The following SBF2 variants were observed in gnomAD, a reference collection of about 807,000 sequenced individuals.
SBF2 encodes SET binding factor 2.
SBF2 carries 112 observed loss-of-function variants against 225.2 expected under a neutral mutation model. That is an observed-to-expected ratio of 0.50 (90% CI 0.43 to 0.58). SBF2 has a LOEUF of 0.58. Ranked by LOEUF, SBF2 falls within the 20% of genes least tolerant of loss-of-function variation. The pLI, the probability that SBF2 is intolerant of heterozygous loss-of-function variation, is 0.00. For missense variants in SBF2, 1,996 were observed against 2,206.2 expected, an observed-to-expected ratio of 0.90 and a Z score of 1.91; for synonymous variants, 763 against 773.3, an observed-to-expected ratio of 0.99 and a Z score of 0.22.
At chr11:9,942,264 G>A (rs751585132) in intron 16 of SBF2, among the ~76,000 whole-genome samples, 12 of 152,074 alleles carry the variant, frequency 7.9e-5, no homozygotes, top group South Asian at 2.1e-4. Flanking sequence ...ACAGGGTTTC[G>A]CCATGTTGTC....
At chr11:10,013,885 C>T (rs1446337271) in intron 6 of SBF2, among the ~76,000 whole-genome samples, 2 of 152,028 alleles carry the variant, frequency 1.3e-5, no homozygotes, top group Non-Finnish European at 2.9e-5. Flanking sequence ...TACTTACTTG[C>T]TCATTCATTC....
At position 9,992,485 on chromosome 11, in the gene SBF2, C is replaced by T. The variant is rs1183650459; in HGVS notation, c.1226G>A (p.Ser409Asn). The T allele has an allele frequency of 2.5e-6, 4 of 1,613,402 alleles. No individual in the cohort carries two copies. The Admixed American group carries it at 6.7e-5, about 27-fold the overall frequency. ...VENDFLTKVL[S>N]GMAFAGFVSE... ...AACAAAACCTGCAAATGCCATTCCA[C>T]TGAGTACTTTAGTGAGGAAATCATT... The change falls in exon 12 of 40, where the codon AGT becomes AAT. Residue 409 changes from serine (S) to asparagine (N), a missense_variant. By Grantham distance (46) the Ser-to-Asn change is conservative. Transcript: ENST00000256190.
At chr11:10,030,946 A>G (rs1224198390) in intron 4 of SBF2, 102 bp downstream of exon 4, 1 of 1,027,284 alleles carries the variant, frequency 9.7e-7, no homozygotes, top group East Asian at 2.4e-5. Flanking sequence ...GAATTCCTAA[A>G]TCAATCTAAC....
intron 1 of SBF2, among the ~76,000 whole-genome samples, chr11:10,226,411 T>C (rs1958552325): frequency 6.6e-6 from 1 of 152,136 alleles, no homozygotes; most frequent in Non-Finnish European, 1.5e-5. Context: ...ACATGTGCCA[T>C]GCTGGTGTGC....
chr11:9,875,136 A>G (rs982060980), intron 17 of SBF2, among the ~76,000 whole-genome samples: 3 of 152,250 alleles, frequency 2.0e-5, no homozygotes, highest in Non-Finnish European at 4.4e-5. Flanking sequence ...CTATCAAATC[A>G]TATAGACTGG....
intron 16 of SBF2, among the ~76,000 whole-genome samples, chr11:9,935,613 A>G (rs1864840939): frequency 6.6e-6 from 1 of 152,234 alleles, no homozygotes; most frequent in Admixed American, 6.5e-5. Flanking sequence ...ACAGATATAT[A>G]GACCAATGGA....
intron 32 of SBF2, among the ~76,000 whole-genome samples, chr11:9,801,205 GTATT>G (rs1286914609): frequency 2.0e-5 from 3 of 152,232 alleles, no homozygotes; most frequent in Middle Eastern, 3.4e-3. Context: ...AAATAATTTT[GTATT>G]TATTTTGTTG....
chr11:9,956,243 TTGA>T (rs919469510), intron 16 of SBF2, among the ~76,000 whole-genome samples: 5 of 152,198 alleles, frequency 3.3e-5, no homozygotes, highest in Admixed American at 2.6e-4. Flanking sequence ...TACATGTCTC[TTGA>T]TGTATGTGGG....
At chr11:10,004,867 T>C (rs1048699518) in intron 6 of SBF2, among the ~76,000 whole-genome samples, 2 of 152,210 alleles carry the variant, frequency 1.3e-5, no homozygotes, top group South Asian at 2.1e-4. Context: ...ACCTATGACC[T>C]GGAAGCCCCC....
intron 17 of SBF2, among the ~76,000 whole-genome samples, chr11:9,878,295 C>A (rs1261739379): frequency 1.3e-5 from 2 of 152,014 alleles, no homozygotes; most frequent in African/African-American, 4.8e-5. Context: ...GGATATTAGT[C>A]CTTTGTCAGA....
intron 2 of SBF2, among the ~76,000 whole-genome samples, chr11:10,157,812 G>A (rs1450635172): frequency 6.6e-6 from 1 of 152,152 alleles, no homozygotes; most frequent in African/African-American, 2.4e-5. Flanking sequence ...ATGCCAAAAA[G>A]GTTGGGGACC....
chr11:9,829,466 C>G lies in SBF2; in HGVS notation c.3683G>C (p.Ser1228Thr), dbSNP rs770215844. ...APTSSLESSS[S>T]IEQEKYLQAL... is the part of the protein sequence containing the mutation. ...TTGCAAGTATTTCTCTTGTTCTATG[C>G]TACTGGAAGATTCTAAAGAGGAGGT... Residue 1228 changes from serine to threonine, a missense_variant, in exon 28 of 40, where the codon AGC (serine) becomes ACC (threonine). Ser to Thr is a moderately conservative substitution (Grantham distance 58). Transcript: ENST00000256190. 16 of 1,612,754 alleles carry G rather than the reference C, an allele frequency of 9.9e-6. No homozygotes were observed.
At chr11:10,093,616 A>G (rs897234624) in intron 2 of SBF2, among the ~76,000 whole-genome samples, 42 of 152,222 alleles carry the variant, frequency 2.8e-4, no homozygotes, top group Admixed American at 5.9e-4. Flanking sequence ...CATATGCTAA[A>G]TATCTATCTA....
chr11:9,836,350 C>T (rs1277678783), intron 26 of SBF2, among the ~76,000 whole-genome samples: 1 of 152,158 alleles, frequency 6.6e-6, no homozygotes, highest in African/African-American at 2.4e-5. Flanking sequence ...TTCCCAGCAT[C>T]CTTTATTGAA....
intron 1 of SBF2, among the ~76,000 whole-genome samples, chr11:10,210,356 A>AAGGAGGAGGAGGGAG (rs1188044923): frequency 6.6e-6 from 1 of 151,766 alleles, no homozygotes; most frequent in Non-Finnish European, 1.5e-5. Context: ...AAGAGGAAGA[A>AAGGAGGAGGAGGGAG]AGGAGGAGGA....
At chr11:9,783,820 G>A (rs945361573) in intron 38 of SBF2, among the ~76,000 whole-genome samples, 2 of 152,172 alleles carry the variant, frequency 1.3e-5, no homozygotes, top group African/African-American at 4.8e-5. Flanking sequence ...CATCTTTGAA[G>A]GGTAACAGTG....
intron 1 of SBF2, among the ~76,000 whole-genome samples, chr11:10,259,238 C>T (rs1272023158): frequency 6.6e-6 from 1 of 152,036 alleles, no homozygotes; most frequent in Non-Finnish European, 1.5e-5. Flanking sequence ...GTAATTAAGC[C>T]CACATCTTTT....
At chr11:10,006,618 C>G (rs564432348) in intron 6 of SBF2, among the ~76,000 whole-genome samples, 20 of 152,134 alleles carry the variant, frequency 1.3e-4, no homozygotes, top group Non-Finnish European at 1.9e-4. Flanking sequence ...GAGGTTACCA[C>G]TTTATGTTAA....
chr11:9,888,022 C>T (rs1860477754), intron 17 of SBF2, among the ~76,000 whole-genome samples: 1 of 152,100 alleles, frequency 6.6e-6, no homozygotes, highest in African/African-American at 2.4e-5. Context: ...AATCTCAATA[C>T]TATGAAAGTC....
Sources: gnomAD v4.1 joint callset for allele counts (sites outside exome capture counted in the v4.1 genomes callset) on GRCh38, gnomAD v4.1.1 for gene constraint, MANE v1.5 for transcripts, NCBI Gene and HGNC (gene_info 2026-07-23, HGNC 2026-07-21) for gene names.